The following DIP2B variants were observed in gnomAD, a reference collection of about 807,000 sequenced individuals.
The protein encoded by DIP2B is DIP2 acetate--CoA ligase B (putative).
DIP2B carries 76 observed loss-of-function variants against 198.0 expected under a neutral mutation model. The ratio of observed to expected loss-of-function variants is 0.38; its 90% CI spans 0.32 to 0.46. The LOEUF (loss-of-function observed/expected upper bound fraction) is 0.46. Ranked by LOEUF, DIP2B falls within the 20% of genes least tolerant of loss-of-function variation. The pLI is 0.99. For missense variants in DIP2B, 1,559 were observed against 1,978.4 expected, an observed-to-expected ratio of 0.79 and a Z score of 4.02; for synonymous variants, 701 against 739.1, an observed-to-expected ratio of 0.95 and a Z score of 0.84.
intron 1 of DIP2B, among the ~76,000 whole-genome samples, chr12:50,511,427 G>T (rs1334038292): frequency 1.3e-5 from 2 of 151,076 alleles, no homozygotes; most frequent in Non-Finnish European, 2.9e-5. Context: ...CAATAGCTGG[G>T]ACTACAGGCA....
intron 1 of DIP2B, among the ~76,000 whole-genome samples, chr12:50,593,832 G>C (rs1223909376): frequency 0.033 from 15 of 454 alleles, no homozygotes; most frequent in Non-Finnish European, 0.049. Flanking sequence ...CTCCCCTCCC[G>C]TCCCCTCCCC....
chr12:50,699,539 T>C (rs533242778), intron 19 of DIP2B, among the ~76,000 whole-genome samples: 5 of 152,266 alleles, frequency 3.3e-5, no homozygotes, highest in African/African-American at 9.6e-5. Flanking sequence ...TCTGTTAGAT[T>C]TTTTAAAAGG....
chr12:50,655,052 T>G (rs1357790072), intron 3 of DIP2B: 1 of 447,334 alleles, frequency 2.2e-6, no homozygotes, highest in Non-Finnish European at 4.5e-6. Context: ...TAAGCCCTGA[T>G]TAGTGTAAAA....
Position 50,618,491 on chromosome 12 carries a change from G to A in DIP2B, c.101-7485G>A, listed in dbSNP as rs561832887. Among the ~76,000 whole-genome samples, 17 of 152,290 alleles carry A rather than the reference G, an allele frequency of 1.1e-4. No individual in the cohort carries two copies. In the South Asian group the frequency reaches 3.1e-3, roughly 28 times the overall value. On this transcript the variant is annotated intron_variant, in intron 1 of 37. Coordinates refer to ENST00000301180, the MANE Select transcript of DIP2B (RefSeq NM_173602.3). ...ACCCTCAGTGTCTCTCTCTCCTGAC[G>A]ATCATCCTTCAAGACCTAACCCAAG...
intron 1 of DIP2B, among the ~76,000 whole-genome samples, chr12:50,551,493 G>C (rs1280369399): frequency 1.3e-5 from 2 of 152,108 alleles, no homozygotes; most frequent in Non-Finnish European, 2.9e-5. Flanking sequence ...TCCCGGGCTG[G>C]CGTGCAGTAG....
At chr12:50,714,883 C>T (rs1004938364) in intron 23 of DIP2B, among the ~76,000 whole-genome samples, 5 of 152,098 alleles carry the variant, frequency 3.3e-5, no homozygotes, top group South Asian at 2.1e-4. Context: ...TGCAGTAAAC[C>T]GAGATTGCGC....
intron 8 of DIP2B, 50 bp downstream of exon 8, chr12:50,678,926 A>G (rs370100553): frequency 6.3e-7 from 1 of 1,599,920 alleles, no homozygotes; most frequent in African/African-American, 1.3e-5. Context: ...TCTTCAGAAT[A>G]TCATGGGTAG....
At chr12:50,516,425 T>C (rs1306253100) in intron 1 of DIP2B, among the ~76,000 whole-genome samples, 2 of 152,078 alleles carry the variant, frequency 1.3e-5, no homozygotes, top group Non-Finnish European at 2.9e-5. Context: ...TGGCTGATTT[T>C]TTATTTTTTG....
chr12:50,509,352 G>A (rs568666751), intron 1 of DIP2B, among the ~76,000 whole-genome samples: 2 of 152,174 alleles, frequency 1.3e-5, no homozygotes, highest in Non-Finnish European at 2.9e-5. Flanking sequence ...TAAGTGCAAC[G>A]CGAAGAATGT....
intron 35 of DIP2B, among the ~76,000 whole-genome samples, chr12:50,738,672 G>C (rs1313373743): frequency 6.6e-6 from 1 of 151,902 alleles, no homozygotes; most frequent in East Asian, 1.9e-4. Context: ...TTAGTAGGGG[G>C]TTTCACCATG....
At chr12:50,573,658 T>G (rs1958634540) in intron 1 of DIP2B, among the ~76,000 whole-genome samples, 1 of 152,218 alleles carries the variant, frequency 6.6e-6, no homozygotes, top group Admixed American at 6.5e-5. Flanking sequence ...ATCCCATGAT[T>G]GGCATAGTTC....
At chr12:50,630,667 T>C (rs7962886) in intron 2 of DIP2B, among the ~76,000 whole-genome samples, 3,313 of 76,630 alleles carry the variant, frequency 0.043, 76 homozygotes, top group African/African-American at 0.11. Flanking sequence ...TCTTTTCTTT[T>C]TTTTTTTTTT....
chr12:50,535,695 A>T (rs1275550696), intron 1 of DIP2B, among the ~76,000 whole-genome samples: 2 of 151,020 alleles, frequency 1.3e-5, no homozygotes, highest in African/African-American at 4.9e-5. Flanking sequence ...TTTTTTTTAA[A>T]TTTTATTTTA....
At chr12:50,605,588 A>G (rs1354148132) in intron 1 of DIP2B, among the ~76,000 whole-genome samples, 1 of 152,156 alleles carries the variant, frequency 6.6e-6, no homozygotes, top group African/African-American at 2.4e-5. Flanking sequence ...TCCCATATTC[A>G]TTAGCAGTCA....
At chr12:50,519,981 C>A (rs1218794597) in intron 1 of DIP2B, among the ~76,000 whole-genome samples, 7 of 147,202 alleles carry the variant, frequency 4.8e-5, no homozygotes, top group African/African-American at 1.7e-4. Flanking sequence ...GCTTTTAATT[C>A]AGTTCAGATA....
rs1272401024 is a variant in DIP2B at position 50,745,565 on chromosome 12, C to G, written c.*726C>G. The G allele has an allele frequency of 6.6e-6, 1 of 152,464 alleles. No individual in the cohort carries two copies. Among genetic ancestry groups the G allele is most frequent in the East Asian group, 1.9e-4 (1 of 5,198 alleles). The allele number at this position is 152,464 out of a possible 1,614,324, so 9.4% of individuals were successfully genotyped here. ...CAAATTGTTGGCAGGTTTTGCTGCA[C>G]ATTGTTCTATGTCTTTGTTGGCTGG... On this transcript the variant is annotated 3_prime_UTR_variant, in exon 38 of 38. Transcript: ENST00000301180.
intron 4 of DIP2B, among the ~76,000 whole-genome samples, chr12:50,666,651 C>T (rs1285122655): frequency 6.6e-6 from 1 of 152,060 alleles, no homozygotes; most frequent in Admixed American, 6.5e-5. Context: ...TCTAAGGTTG[C>T]AAGCTGGAAT....
intron 1 of DIP2B, among the ~76,000 whole-genome samples, chr12:50,610,466 C>T (rs1452758101): frequency 6.6e-6 from 1 of 151,594 alleles, no homozygotes; most frequent in Admixed American, 6.6e-5. Context: ...AGTGAAACTT[C>T]AGGAAAGTAA....
Position 50,675,414 on chromosome 12 carries a change from A to T in DIP2B, c.882A>T (p.Glu294Asp). 1.2e-6 allele frequency: 2 copies of T among 1,613,938 alleles called. No individual in the cohort carries two copies. The highest frequency in any genetic ancestry group is 1.3e-5 in the African/African-American group (1 of 75,042). ...LKRPKRPPLK[E>D]FFVDDSEEIV... ...GACCCAAAAGGCCTCCCTTAAAGGA[A>T]TTTTTTGTGGATGACTCTGAAGAAA... Residue 294 changes from glutamate (E) to aspartate (D), a missense_variant, in exon 7 of 38, where the codon GAA becomes GAT. Glu to Asp is a conservative substitution (Grantham distance 45, BLOSUM62 2). Coordinates refer to ENST00000301180, the MANE Select transcript of DIP2B (RefSeq NM_173602.3).
Sources: allele counts gnomAD v4.1 joint callset (sites outside exome capture counted in the v4.1 genomes callset), GRCh38; gene constraint gnomAD v4.1.1; transcripts MANE v1.5; gene names NCBI Gene and HGNC (gene_info 2026-07-23, HGNC 2026-07-21).